The following FBN1 variants were observed in gnomAD, a reference collection of about 807,000 sequenced individuals.
FBN1 encodes the protein fibrillin 1, also known as fibrillin-1.
Under a neutral mutation model 365.1 loss-of-function variants are expected in FBN1, and 29 were observed. That is an observed-to-expected ratio of 0.08 (90% CI 0.06 to 0.11). FBN1 has a LOEUF of 0.11. FBN1 is among the 10% of genes least tolerant of loss of function. The probability of loss-of-function intolerance (pLI) is 1.00; values close to 1 mark genes in which losing one functional copy is unlikely to be tolerated. For synonymous variants in FBN1, 1,210 were observed against 1,270.5 expected (o/e 0.95, Z 1.01); for missense variants, 2,476 against 3,703.2 (o/e 0.67, Z 8.60).
At chr15:48,434,765 T>G in intron 53 of FBN1, 52 bp from the exon 54 acceptor site, 1 of 1,601,588 alleles carries the variant, frequency 6.2e-7, no homozygotes, top group Non-Finnish European at 8.5e-7. Flanking sequence ...GATAATACCT[T>G]TTATTCTATC....
intron 17 of FBN1, among the ~76,000 whole-genome samples, chr15:48,501,947 T>C (rs2043662503): frequency 6.6e-6 from 1 of 152,326 alleles, no homozygotes; most frequent in Middle Eastern, 3.4e-3. Context: ...TGATCATACA[T>C]AAAATGATAA....
In FBN1 at chr15:48,639,929, G is replaced by C. The variant is rs1890168938; in HGVS notation, c.164+4677C>G. The stretch of plus-strand genomic sequence containing the variant: ...CTAAAACTCCCAAAGTGGTTAGGCT[G>C]ATTGGCTTACTGGAAGAAAAAGCCA... On this transcript the variant is annotated intron_variant, in intron 2 of 65. Transcript: ENST00000316623. 2.0e-5 allele frequency among the ~76,000 whole-genome samples: 3 copies of C among 152,176 alleles called. No individual in the cohort carries two copies. In the South Asian group the frequency reaches 6.2e-4, roughly 31 times the overall value.
intron 60 of FBN1, 107 bp downstream of exon 60, chr15:48,425,262 C>A: frequency 4.0e-6 from 6 of 1,494,750 alleles, no homozygotes; most frequent in Non-Finnish European, 5.6e-6. Context: ...GAAGCACCTC[C>A]TGCCTGTAGA....
intron 13 of FBN1, among the ~76,000 whole-genome samples, 182 bp from the exon 14 acceptor site, chr15:48,510,351 G>C (rs1180012376): frequency 1.3e-5 from 2 of 152,072 alleles, no homozygotes; most frequent in African/African-American, 4.8e-5. Flanking sequence ...GAGTTGAAAA[G>C]ACATGATAAA....
chr15:48,574,435 G>T (rs957850905), intron 6 of FBN1, among the ~76,000 whole-genome samples: 2 of 152,116 alleles, frequency 1.3e-5, no homozygotes, highest in Non-Finnish European at 2.9e-5. Context: ...AGGCTGAAAA[G>T]GTCTGCTGCT....
chr15:48,622,843 G>C (rs1889795348), intron 2 of FBN1, among the ~76,000 whole-genome samples: 1 of 151,952 alleles, frequency 6.6e-6, no homozygotes. Context: ...ACTAAAACCA[G>C]ACACTTCCTC....
At chr15:48,460,437 T>G in intron 42 of FBN1, 120 bp from the exon 43 acceptor site, 1 of 704,722 alleles carries the variant, frequency 1.4e-6, no homozygotes. Context: ...TTTGAAGAAT[T>G]TAAAATAAAA....
intron 44 of FBN1, 125 bp downstream of exon 44, chr15:48,456,512 C>T: frequency 1.0e-6 from 1 of 987,126 alleles, no homozygotes; most frequent in Non-Finnish European, 1.6e-6. Context: ...CACACCATGC[C>T]CTTTACTATT....
At chr15:48,545,727 A>G (rs562152878) in intron 6 of FBN1, among the ~76,000 whole-genome samples, 3 of 152,316 alleles carry the variant, frequency 2.0e-5, no homozygotes, top group African/African-American at 7.2e-5. Context: ...TTAACACAAT[A>G]AAAAGAAAAT....
chr15:48,470,661 G>A lies in FBN1; in HGVS notation c.4432C>T (p.Leu1478=), dbSNP rs1555397400. The A allele has an allele frequency of 4.3e-6, 7 of 1,614,068 alleles. No homozygotes were observed. The highest frequency in any genetic ancestry group is 5.9e-6 in the Non-Finnish European group (7 of 1,180,024). ...FRCECEIGYE[L]DRSGGNCTDV... is the part of the protein sequence containing the mutation. ...GTGCAGTTCCCGCCGCTTCTGTCCA[G>A]TTCGTAGCCTATCTCACACTCACAG... The change falls in exon 36 of 66, where the codon CTG becomes TTG. Residue 1478 remains leucine, a synonymous_variant. Coordinates refer to ENST00000316623, the MANE Select transcript of FBN1 (RefSeq NM_000138.5).
At chr15:48,425,635 C>T (rs1256133115) in intron 59 of FBN1, 104 bp downstream of exon 59, 41 of 1,535,182 alleles carry the variant, frequency 2.7e-5, no homozygotes, top group Non-Finnish European at 3.7e-5. Context: ...CCTGTGCTTT[C>T]CTATGAAACT....
chr15:48,569,245 G>C (rs997618815), intron 6 of FBN1, among the ~76,000 whole-genome samples: 1 of 151,884 alleles, frequency 6.6e-6, no homozygotes, highest in Non-Finnish European at 1.5e-5. Flanking sequence ...TAATCATTAG[G>C]AAAATAAAAA....
chr15:48,465,505 T>G, intron 40 of FBN1, 63 bp downstream of exon 40: 1 of 1,589,600 alleles, frequency 6.3e-7, no homozygotes, highest in Non-Finnish European at 8.6e-7. Flanking sequence ...GTAACCATAT[T>G]CTGGTTTTGC....
intron 16 of FBN1, among the ~76,000 whole-genome samples, chr15:48,504,381 G>C (rs745962106): frequency 1.3e-5 from 2 of 152,126 alleles, no homozygotes; most frequent in Non-Finnish European, 2.9e-5. Flanking sequence ...GTCTGAATTA[G>C]GTATACTTTC....
At chr15:48,412,950 A>G (rs1301506659) in intron 64 of FBN1, among the ~76,000 whole-genome samples, 2 of 152,240 alleles carry the variant, frequency 1.3e-5, no homozygotes, top group Admixed American at 1.3e-4. Flanking sequence ...ATTTCCTTCT[A>G]CTGCCTATCA....
At chr15:48,450,765 AT>A (rs1597536484) in intron 45 of FBN1, among the ~76,000 whole-genome samples, 1 of 152,218 alleles carries the variant, frequency 6.6e-6, no homozygotes, top group East Asian at 1.9e-4. Flanking sequence ...ATTTGAAATA[AT>A]GTGCTTATGA....
intron 8 of FBN1, among the ~76,000 whole-genome samples, chr15:48,532,494 A>G (rs2043981660): frequency 2.2e-5 from 3 of 133,416 alleles, no homozygotes; most frequent in African/African-American, 5.3e-5. Context: ...GTGTGTGTAT[A>G]TATATATGTG....
At position 48,428,349 on chromosome 15, in the gene FBN1, G is replaced by A. The variant is rs747247971; in HGVS notation, c.6994C>T (p.Leu2332Phe). The change falls in exon 57 of 66, where the codon CTT (leucine) becomes TTT (phenylalanine). Residue 2332 changes from leucine (L) to phenylalanine (F), a missense_variant. Transcript: ENST00000316623. ...GTGCGGTGCCAACTGTACTCACCAA[G>A]GCACTCGTCCTGGTTGGGGCTGGCG... is the stretch of plus-strand genomic sequence containing the variant. ...FTASPNQDEC[L>F]DNREGYCFTE... is the part of the protein sequence containing the mutation. 1.9e-6 allele frequency: 3 copies of A among 1,613,928 alleles called. No homozygotes were observed. The highest frequency in any genetic ancestry group is 1.3e-5 in the African/African-American group (1 of 74,914).
intron 6 of FBN1, among the ~76,000 whole-genome samples, chr15:48,570,863 T>C (rs1389609458): frequency 2.6e-5 from 4 of 152,148 alleles, no homozygotes; most frequent in Admixed American, 2.6e-4. Context: ...AGGGGATGGG[T>C]GGGCAGATCC....
Sources: gnomAD v4.1 joint callset for allele counts (sites outside exome capture counted in the v4.1 genomes callset) on GRCh38, gnomAD v4.1.1 for gene constraint, MANE v1.5 for transcripts, NCBI Gene and HGNC (gene_info 2026-07-23, HGNC 2026-07-21) for gene names.